Variants in SPIDR observed in about 807,000 individuals in gnomAD.
The protein encoded by SPIDR is scaffold protein involved in DNA repair.
A neutral mutation model predicts 104.6 loss-of-function variants in SPIDR; 93 were observed. That is an observed-to-expected ratio of 0.89 (90% CI 0.75 to 1.06). The LOEUF is 1.06. Ranked by LOEUF, SPIDR falls within the 50% of genes least tolerant of loss-of-function variation. The pLI, the probability that SPIDR is intolerant of heterozygous loss-of-function variation, is 0.00. For missense variants in SPIDR, 1,154 were observed against 1,111.2 expected (o/e 1.04, Z -0.55); for synonymous variants, 431 against 416.9 (o/e 1.03, Z -0.41).
intron 8 of SPIDR, among the ~76,000 whole-genome samples, chr8:47,582,079 T>C (rs909765526): frequency 6.6e-6 from 1 of 152,034 alleles, no homozygotes; most frequent in African/African-American, 2.4e-5. Flanking sequence ...TAGCCAGGCG[T>C]GGTGGCGGGT....
chr8:47,690,817 T>C (rs1010015065), intron 11 of SPIDR, among the ~76,000 whole-genome samples: 5 of 152,032 alleles, frequency 3.3e-5, no homozygotes, highest in Non-Finnish European at 5.9e-5. Flanking sequence ...AGATTCCATC[T>C]CAAAAAATAA....
At chr8:47,430,205 T>C (rs2067114779) in intron 7 of SPIDR, among the ~76,000 whole-genome samples, 1 of 152,244 alleles carries the variant, frequency 6.6e-6, no homozygotes, top group Non-Finnish European at 1.5e-5. Flanking sequence ...CCTATTTTAA[T>C]CCTTAAGCTA....
chr8:47,615,844 G>C (rs1419169946), intron 10 of SPIDR, among the ~76,000 whole-genome samples: 1 of 151,862 alleles, frequency 6.6e-6, no homozygotes, highest in Non-Finnish European at 1.5e-5. Context: ...CATTTATTTA[G>C]GTCTTCTTTA....
At chr8:47,590,276 CTTT>C (rs1461088115) in intron 8 of SPIDR, among the ~76,000 whole-genome samples, 1 of 151,678 alleles carries the variant, frequency 6.6e-6, no homozygotes, top group Non-Finnish European at 1.5e-5. Context: ...TGATTTGAGA[CTTT>C]TTTCTTTTTT....
At chr8:47,687,322 C>T (rs774303185) in intron 11 of SPIDR, among the ~76,000 whole-genome samples, 10 of 152,148 alleles carry the variant, frequency 6.6e-5, no homozygotes, top group Non-Finnish European at 1.0e-4. Flanking sequence ...ATATTTACCC[C>T]GGTAAGTAAT....
chr8:47,584,737 C>A (rs980263112), intron 8 of SPIDR, among the ~76,000 whole-genome samples: 4 of 152,132 alleles, frequency 2.6e-5, no homozygotes, highest in African/African-American at 4.8e-5. Flanking sequence ...TAACTTGAAT[C>A]AAAAAGCTAG....
intron 7 of SPIDR, among the ~76,000 whole-genome samples, chr8:47,427,858 A>C (rs2154338006): frequency 6.6e-6 from 1 of 152,322 alleles, no homozygotes; most frequent in South Asian, 2.1e-4. Flanking sequence ...GTTGTGGTCC[A>C]GGGTCACCAC....
intron 1 of SPIDR, among the ~76,000 whole-genome samples, chr8:47,261,721 G>C (rs2032393416): frequency 6.6e-6 from 1 of 152,078 alleles, no homozygotes; most frequent in Non-Finnish European, 1.5e-5. Context: ...GGAAAAAATA[G>C]ACCACATATA....
intron 3 of SPIDR, among the ~76,000 whole-genome samples, chr8:47,284,719 G>A (rs1000139568): frequency 1.8e-4 from 28 of 152,102 alleles, no homozygotes; most frequent in African/African-American, 4.1e-4. Context: ...GAGGATTTTC[G>A]CCAAGTCAGC....
At chr8:47,456,012 T>C (rs1176400137) in intron 8 of SPIDR, among the ~76,000 whole-genome samples, 2 of 152,174 alleles carry the variant, frequency 1.3e-5, no homozygotes, top group Non-Finnish European at 2.9e-5. Flanking sequence ...ACCTAACATG[T>C]GTAAAACATT....
chr8:47,278,800 C>T (rs925741952), intron 1 of SPIDR, among the ~76,000 whole-genome samples: 6 of 152,204 alleles, frequency 3.9e-5, no homozygotes, highest in South Asian at 2.1e-4. Context: ...AATAATTATA[C>T]GGCATTTAGC....
Position 47,714,799 on chromosome 8 carries a change from C to A in SPIDR, c.2341+1158C>A, listed in dbSNP as rs371127688. 3.3e-5 allele frequency among the ~76,000 whole-genome samples: 5 copies of A among 152,188 alleles called. No homozygotes were observed. In the East Asian group the frequency reaches 7.7e-4, roughly 23 times the overall value. ...CATCCCCTCATATGAATAAACTCTTCCTCCACTCATGGACATCCAGGATCT... is the reference window on the plus strand; with the variant it reads ...CATCCCCTCATATGAATAAACTCTTACTCCACTCATGGACATCCAGGATCT... On this transcript the variant is annotated intron_variant, in intron 16 of 19. Transcript: ENST00000297423.
At chr8:47,426,214 A>G (rs2066387276) in intron 7 of SPIDR, among the ~76,000 whole-genome samples, 2 of 152,214 alleles carry the variant, frequency 1.3e-5, no homozygotes. Flanking sequence ...AGATCATGCC[A>G]TTGCACTACA....
intron 8 of SPIDR, among the ~76,000 whole-genome samples, chr8:47,485,635 C>T (rs2077484490): frequency 6.6e-6 from 1 of 152,144 alleles, no homozygotes; most frequent in Non-Finnish European, 1.5e-5. Context: ...ACACCTGACA[C>T]TTCACCCCTC....
chr8:47,477,353 A>G (rs2076406981), intron 8 of SPIDR, among the ~76,000 whole-genome samples: 1 of 152,056 alleles, frequency 6.6e-6, no homozygotes, highest in Non-Finnish European at 1.5e-5. Flanking sequence ...CTTGGCGACC[A>G]CGCCCAGCTA....
rs185150331 is a variant in SPIDR, at chr8:47,680,080, C to T, written c.1685+6139C>T. Among the ~76,000 whole-genome samples, 355 of 152,290 alleles carry T rather than the reference C, an allele frequency of 2.3e-3. 2 individuals carry two copies. Among genetic ancestry groups the T allele is most frequent in the Admixed American group, 4.0e-3 (61 of 15,294 alleles). On this transcript the variant is annotated intron_variant, in intron 11 of 19. Transcript: ENST00000297423. Reference sequence around the variant, plus strand: ...GTCTGTGTGCGGTGCAGGTGACAACCACGCTAGCCATGTGCCTCTGGACAC... The same window carrying T: ...GTCTGTGTGCGGTGCAGGTGACAACTACGCTAGCCATGTGCCTCTGGACAC...
chr8:47,691,511 T>C (rs1195395008), intron 11 of SPIDR, among the ~76,000 whole-genome samples: 1 of 152,318 alleles, frequency 6.6e-6, no homozygotes, highest in East Asian at 1.9e-4. Context: ...ACACCAGAAG[T>C]ATTACTGAAA....
chr8:47,560,422 C>T (rs1235461457), intron 8 of SPIDR, among the ~76,000 whole-genome samples: 1 of 152,140 alleles, frequency 6.6e-6, no homozygotes, highest in Non-Finnish European at 1.5e-5. Flanking sequence ...CTTTTCCCTT[C>T]GTCCCGCCTG....
intron 8 of SPIDR, among the ~76,000 whole-genome samples, chr8:47,446,478 G>A (rs562828678): frequency 3.3e-5 from 5 of 152,164 alleles, no homozygotes; most frequent in South Asian, 2.1e-4. Flanking sequence ...GGAGATGAAC[G>A]TCGTTTTCAT....
Sources: gnomAD v4.1 joint callset for allele counts (sites outside exome capture counted in the v4.1 genomes callset) on GRCh38, gnomAD v4.1.1 for gene constraint, MANE v1.5 for transcripts, NCBI Gene and HGNC (gene_info 2026-07-23, HGNC 2026-07-21) for gene names.